Variants in KCNH8 observed in about 807,000 individuals in gnomAD.
KCNH8 encodes the protein potassium voltage-gated channel subfamily H member 8.
KCNH8 carries 70 observed loss-of-function variants against 103.6 expected under a neutral mutation model. The ratio of observed to expected loss-of-function variants is 0.68; its 90% CI spans 0.56 to 0.82. The LOEUF (loss-of-function observed/expected upper bound fraction) is 0.82. Ranked by LOEUF, KCNH8 falls within the 40% of genes least tolerant of loss-of-function variation. The probability of loss-of-function intolerance (pLI) is 0.00; values close to 1 mark genes in which losing one functional copy is unlikely to be tolerated. For synonymous variants in KCNH8, 498 were observed against 489.4 expected (o/e 1.02, Z -0.23); for missense variants, 1,217 against 1,329.9 (o/e 0.92, Z 1.32).
intron 1 of KCNH8, among the ~76,000 whole-genome samples, chr3:19,200,419 G>A (rs1309223892): frequency 6.6e-6 from 1 of 151,502 alleles, no homozygotes; most frequent in Non-Finnish European, 1.5e-5. Context: ...AACAAAATTG[G>A]CATGTCTTCA....
At chr3:19,492,564 G>A (rs182294124) in intron 11 of KCNH8, among the ~76,000 whole-genome samples, 12 of 152,156 alleles carry the variant, frequency 7.9e-5, no homozygotes, top group Admixed American at 7.2e-4. Context: ...CATGCTGTTT[G>A]GTCATTATAG....
intron 11 of KCNH8, among the ~76,000 whole-genome samples, chr3:19,507,412 G>T (rs540292200): frequency 1.3e-5 from 2 of 152,284 alleles, no homozygotes; most frequent in South Asian, 2.1e-4. Context: ...CATGAAGAGT[G>T]GGGGGCCTGG....
chr3:19,418,384 C>A (rs368779763), intron 7 of KCNH8, among the ~76,000 whole-genome samples: 53 of 152,302 alleles, frequency 3.5e-4, no homozygotes, highest in African/African-American at 1.3e-3. Context: ...ATGCAAGTCT[C>A]ATCTGAAAGA....
intron 5 of KCNH8, among the ~76,000 whole-genome samples, chr3:19,348,326 T>G (rs1244634558): frequency 6.6e-6 from 1 of 152,084 alleles, no homozygotes; most frequent in East Asian, 1.9e-4. Context: ...GTTGTGACAG[T>G]GGTCCACTCC....
At chr3:19,195,443 G>GTC (rs2063591509) in intron 1 of KCNH8, among the ~76,000 whole-genome samples, 1 of 151,832 alleles carries the variant, frequency 6.6e-6, no homozygotes, top group African/African-American at 2.4e-5. Flanking sequence ...TGTTGACAGG[G>GTC]TAGATGAATC....
At chr3:19,216,162 A>G (rs75825976) in intron 1 of KCNH8, among the ~76,000 whole-genome samples, 4,295 of 152,262 alleles carry the variant, frequency 0.028, 202 homozygotes, top group African/African-American at 0.096. Flanking sequence ...AACTCGAATT[A>G]TCACTCTCCC....
intron 7 of KCNH8, among the ~76,000 whole-genome samples, chr3:19,434,734 T>G (rs969423900): frequency 6.6e-6 from 1 of 152,208 alleles, no homozygotes; most frequent in African/African-American, 2.4e-5. Context: ...CATTTGACAC[T>G]TCTTAATTAC....
chr3:19,457,071 C>T (rs2067544457), intron 11 of KCNH8, 89 bp downstream of exon 11: 1 of 806,318 alleles, frequency 1.2e-6, no homozygotes, highest in Non-Finnish European at 2.0e-6. Context: ...CATGACCTCA[C>T]CTTAAAAAGT....
intron 1 of KCNH8, among the ~76,000 whole-genome samples, chr3:19,224,024 A>G (rs993009681): frequency 6.6e-6 from 1 of 152,208 alleles, no homozygotes; most frequent in Non-Finnish European, 1.5e-5. Context: ...ATAGTGACAC[A>G]TCTTATACTG....
intron 15 of KCNH8, among the ~76,000 whole-genome samples, chr3:19,531,018 A>C (rs2069151999): frequency 6.6e-6 from 1 of 152,242 alleles, no homozygotes; most frequent in African/African-American, 2.4e-5. Context: ...AAATTTACAA[A>C]CATACAAACA....
chr3:19,231,338 A>G lies in KCNH8; in HGVS notation c.77-22316A>G, dbSNP rs192814739. ...TGTCATTCACTAGTGTAGTGTCCTTATTGTGCATAATGCTCGGTATGTTGT... is the reference window on the plus strand; with the variant it reads ...TGTCATTCACTAGTGTAGTGTCCTTGTTGTGCATAATGCTCGGTATGTTGT... On this transcript the variant is annotated intron_variant, in intron 1 of 15. Transcript: ENST00000328405. Among the ~76,000 whole-genome samples the G allele has an allele frequency of 1.5e-4, 23 of 152,250 alleles. No homozygotes were observed. In the East Asian group the frequency reaches 4.2e-3, roughly 28 times the overall value.
At chr3:19,327,827 C>A (rs2065444389) in intron 3 of KCNH8, among the ~76,000 whole-genome samples, 1 of 152,152 alleles carries the variant, frequency 6.6e-6, no homozygotes, top group African/African-American at 2.4e-5. Context: ...TTATTTCTAG[C>A]AATATGACAC....
intron 11 of KCNH8, among the ~76,000 whole-genome samples, chr3:19,487,849 C>T (rs2068241923): frequency 1.3e-5 from 2 of 152,182 alleles, no homozygotes. Flanking sequence ...TGTACAAGAA[C>T]TGGTGAACTA....
chr3:19,313,141 A>G (rs897815320), intron 3 of KCNH8, among the ~76,000 whole-genome samples: 32 of 151,902 alleles, frequency 2.1e-4, no homozygotes, highest in African/African-American at 6.0e-4. Flanking sequence ...GGGTTGTGCT[A>G]AGGAGTTTGG....
In KCNH8 at chr3:19,215,118, C is replaced by T. The variant is rs186779915; in HGVS notation, c.77-38536C>T. 3.3e-4 allele frequency among the ~76,000 whole-genome samples: 50 copies of T among 152,278 alleles called. 1 individual carries two copies. The highest frequency in any genetic ancestry group is 1.3e-4 in the Non-Finnish European group (9 of 68,020). On this transcript the variant is annotated intron_variant, in intron 1 of 15. Transcript: ENST00000328405. ...TAATTGGAGCTCTACCTTCCCAGTT[C>T]CTTGAAGTGAGTCTGCATGTCTAGC...
At chr3:19,450,544 A>G in intron 9 of KCNH8, 2 of 506,296 alleles carry the variant, frequency 4.0e-6, no homozygotes, top group South Asian at 4.3e-5. Flanking sequence ...GATCAGGTGG[A>G]TTTATTTTCC....
At chr3:19,514,619 C>CTT (rs536100818) in intron 13 of KCNH8, among the ~76,000 whole-genome samples, 10 of 144,554 alleles carry the variant, frequency 6.9e-5, no homozygotes, top group Admixed American at 2.8e-4. Context: ...CTACAATAGA[C>CTT]TTTTTTTTTT....
intron 3 of KCNH8, among the ~76,000 whole-genome samples, chr3:19,284,248 A>G (rs1251020812): frequency 6.6e-6 from 1 of 152,144 alleles, no homozygotes; most frequent in African/African-American, 2.4e-5. Flanking sequence ...TGTTAATTAA[A>G]TTAATTAATA....
At chr3:19,486,656 A>T (rs559767068) in intron 11 of KCNH8, among the ~76,000 whole-genome samples, 1 of 152,306 alleles carries the variant, frequency 6.6e-6, no homozygotes, top group Non-Finnish European at 1.5e-5. Flanking sequence ...AGGCCAACGT[A>T]AGTTTTTCCT....
Sources: allele counts gnomAD v4.1 joint callset (sites outside exome capture counted in the v4.1 genomes callset), GRCh38; gene constraint gnomAD v4.1.1; transcripts MANE v1.5; gene names NCBI Gene and HGNC (gene_info 2026-07-23, HGNC 2026-07-21).